The following TRPC4 variants were observed in gnomAD, a reference collection of about 807,000 sequenced individuals.
TRPC4 encodes the protein transient receptor potential cation channel subfamily C member 4, also known as short transient receptor potential channel 4.
Under a neutral mutation model 99.4 loss-of-function variants are expected in TRPC4, and 49 were observed. The observed-to-expected ratio is 0.49, with a 90% CI of 0.39 to 0.63. The LOEUF (loss-of-function observed/expected upper bound fraction) is 0.63. Among genes scored for constraint, TRPC4 ranks in the 20% least tolerant of loss-of-function variants. TRPC4 has a pLI of 0.00. For missense variants in TRPC4, 898 were observed against 1,152.9 expected, an observed-to-expected ratio of 0.78 and a Z score of 3.20; for synonymous variants, 454 against 425.9, an observed-to-expected ratio of 1.07 and a Z score of -0.81.
At chr13:37,867,869 G>C (rs1346184430) in intron 1 of TRPC4, among the ~76,000 whole-genome samples, 1 of 152,034 alleles carries the variant, frequency 6.6e-6, no homozygotes. Flanking sequence ...TGTTGAAACA[G>C]GTAACTTTTC....
intron 3 of TRPC4, among the ~76,000 whole-genome samples, chr13:37,721,313 A>T (rs1286951991): frequency 6.6e-6 from 1 of 152,160 alleles, no homozygotes; most frequent in Non-Finnish European, 1.5e-5. Flanking sequence ...ATTTCAAAAC[A>T]CTTGTCCAGT....
At chr13:37,678,124 G>C (rs1347015763) in intron 4 of TRPC4, among the ~76,000 whole-genome samples, 2 of 132,022 alleles carry the variant, frequency 1.5e-5, no homozygotes, top group Non-Finnish European at 3.4e-5. Flanking sequence ...ATCTAGAGTA[G>C]TGCTTAGAGG....
intron 1 of TRPC4, among the ~76,000 whole-genome samples, chr13:37,799,729 A>G (rs910539127): frequency 6.6e-6 from 1 of 152,212 alleles, no homozygotes; most frequent in Admixed American, 6.5e-5. Context: ...CTGCAATCAC[A>G]TTGTAATCCA....
chr13:37,812,176 C>CAAA (rs61607544), intron 1 of TRPC4, among the ~76,000 whole-genome samples: 18,705 of 54,766 alleles, frequency 0.34, 3,420 homozygotes, highest in East Asian at 0.53. Context: ...GAGACTCTAT[C>CAAA]AAAAAAAAAA....
At chr13:37,667,552 C>T (rs1356433706) in intron 5 of TRPC4, among the ~76,000 whole-genome samples, 1 of 152,182 alleles carries the variant, frequency 6.6e-6, no homozygotes, top group Non-Finnish European at 1.5e-5. Context: ...AGGTGGTCTG[C>T]CCGCCTGGGC....
chr13:37,766,724 A>T (rs906708103), intron 2 of TRPC4, among the ~76,000 whole-genome samples: 5 of 151,366 alleles, frequency 3.3e-5, no homozygotes, highest in Non-Finnish European at 7.4e-5. Flanking sequence ...AAACTGAGGA[A>T]TTAGATGATC....
chr13:37,862,411 T>C (rs1273752987), intron 1 of TRPC4, among the ~76,000 whole-genome samples: 1 of 151,584 alleles, frequency 6.6e-6, no homozygotes, highest in Non-Finnish European at 1.5e-5. Flanking sequence ...ATAGTGTCAA[T>C]AATGCTATTT....
chr13:37,749,657 G>A (rs899486994), intron 2 of TRPC4, among the ~76,000 whole-genome samples: 9 of 152,032 alleles, frequency 5.9e-5, no homozygotes, highest in Admixed American at 6.6e-5. Flanking sequence ...ATTATTACAT[G>A]GTTTTTGAAA....
At chr13:37,812,515 T>C (rs1957732440) in intron 1 of TRPC4, among the ~76,000 whole-genome samples, 1 of 152,012 alleles carries the variant, frequency 6.6e-6, no homozygotes, top group Non-Finnish European at 1.5e-5. Flanking sequence ...TTGGATATGC[T>C]CAATGGCAGA....
chr13:37,745,275 C>T (rs73168468), intron 3 of TRPC4, among the ~76,000 whole-genome samples: 13,621 of 151,294 alleles, frequency 0.09, 1,277 homozygotes, highest in African/African-American at 0.24. Context: ...TCTAGCCCTG[C>T]AGCAGTTGGC....
At chr13:37,855,482 G>A (rs1959165695) in intron 1 of TRPC4, among the ~76,000 whole-genome samples, 1 of 151,574 alleles carries the variant, frequency 6.6e-6, no homozygotes, top group African/African-American at 2.4e-5. Flanking sequence ...CTCCCAGACA[G>A]AATATCAACA....
chr13:37,680,189 G>A (rs757066517), intron 4 of TRPC4, among the ~76,000 whole-genome samples: 1 of 151,922 alleles, frequency 6.6e-6, no homozygotes, highest in Admixed American at 6.6e-5. Flanking sequence ...GAGGTATAAA[G>A]AAGAAGTTAT....
At chr13:37,767,385 A>G (rs1956407104) in intron 2 of TRPC4, among the ~76,000 whole-genome samples, 1 of 151,230 alleles carries the variant, frequency 6.6e-6, no homozygotes, top group Non-Finnish European at 1.5e-5. Flanking sequence ...TGTATTTTGT[A>G]GAGAAAATTG....
chr13:37,757,485 T>C (rs544621810), intron 2 of TRPC4, among the ~76,000 whole-genome samples: 3 of 152,200 alleles, frequency 2.0e-5, no homozygotes, highest in Admixed American at 1.3e-4. Flanking sequence ...CAGATAGTTG[T>C]TTTTTAGGAG....
intron 3 of TRPC4, among the ~76,000 whole-genome samples, chr13:37,744,320 A>G (rs762041971): frequency 1.3e-4 from 20 of 152,180 alleles, no homozygotes; most frequent in African/African-American, 3.1e-4. Flanking sequence ...TCATCAATGT[A>G]TCTTATCATT....
At chr13:37,823,897 C>T (rs1381777649) in intron 1 of TRPC4, among the ~76,000 whole-genome samples, 2 of 150,180 alleles carry the variant, frequency 1.3e-5, no homozygotes, top group African/African-American at 4.9e-5. Flanking sequence ...ATTCTTCCTA[C>T]TCATGAGCAT....
At chr13:37,841,122 TAAC>T (rs1196498003) in intron 1 of TRPC4, among the ~76,000 whole-genome samples, 1 of 152,110 alleles carries the variant, frequency 6.6e-6, no homozygotes, top group Non-Finnish European at 1.5e-5. Flanking sequence ...TTTATAATAA[TAAC>T]AGGTGATTTA....
intron 1 of TRPC4, among the ~76,000 whole-genome samples, chr13:37,863,633 T>A (rs184962552): frequency 1.9e-3 from 294 of 151,740 alleles, no homozygotes; most frequent in Non-Finnish European, 3.2e-3. Context: ...ATGAAAGGGA[T>A]CTTTACATAA....
At chr13:37,687,693 A>C (rs1384915614) in intron 4 of TRPC4, among the ~76,000 whole-genome samples, 14 of 152,132 alleles carry the variant, frequency 9.2e-5, no homozygotes. Flanking sequence ...ACCCTAAATA[A>C]GTTAAGAGCC....
Sources: allele counts gnomAD v4.1 joint callset (sites outside exome capture counted in the v4.1 genomes callset), GRCh38; gene constraint gnomAD v4.1.1; transcripts MANE v1.5; gene names NCBI Gene and HGNC (gene_info 2026-07-23, HGNC 2026-07-21).